Variants in ATG10 observed in about 807,000 individuals in gnomAD.
ATG10 encodes the protein ubiquitin-like-conjugating enzyme ATG10.
In ATG10, 30 loss-of-function variants were observed where a neutral mutation model predicts 32.1. The ratio of observed to expected loss-of-function variants is 0.94; its 90% CI spans 0.70 to 1.27. The LOEUF (loss-of-function observed/expected upper bound fraction) is 1.27. ATG10 is among the 50% of genes most tolerant of loss of function. The pLI is 0.00. For missense variants in ATG10, 233 were observed against 262.3 expected (o/e 0.89, Z 0.77); for synonymous variants, 87 against 91.5 (o/e 0.95, Z 0.28).
chr5:82,057,114 G>T (rs1763628009), intron 2 of ATG10, among the ~76,000 whole-genome samples: 1 of 152,138 alleles, frequency 6.6e-6, no homozygotes, highest in Non-Finnish European at 1.5e-5. Context: ...CTGTGACAGA[G>T]GCATCAACCA....
At chr5:82,095,233 T>G (rs1765015523) in intron 3 of ATG10, among the ~76,000 whole-genome samples, 1 of 152,178 alleles carries the variant, frequency 6.6e-6, no homozygotes. Flanking sequence ...AAGCTGGATC[T>G]GAGTCTGAGC....
chr5:82,117,537 A>G (rs1471885900), intron 3 of ATG10, among the ~76,000 whole-genome samples: 2 of 152,102 alleles, frequency 1.3e-5, no homozygotes, highest in Non-Finnish European at 2.9e-5. Flanking sequence ...GATCCATTTT[A>G]GATGATTGAC....
Position 82,087,298 on chromosome 5 carries a change from A to C in ATG10, c.216+28696A>C, listed in dbSNP as rs80242404. Among the ~76,000 whole-genome samples the C allele has an allele frequency of 3.5e-3, 531 of 152,316 alleles. 3 individuals carry two copies. Among genetic ancestry groups the C allele is most frequent in the African/African-American group, 0.012 (503 of 41,566 alleles). ...TGAAGGATGGGTTATATTTTGAGTG[A>C]TGCAACTTGAGTATATTGAGTAGAA... is the stretch of plus-strand genomic sequence containing the variant. On this transcript the variant is annotated intron_variant, in intron 3 of 7. Coordinates refer to ENST00000282185, the MANE Select transcript of ATG10 (RefSeq NM_031482.5).
At chr5:81,984,989 TTAGA>T (rs1761212290) in intron 1 of ATG10, among the ~76,000 whole-genome samples, 3 of 152,250 alleles carry the variant, frequency 2.0e-5, no homozygotes, top group Admixed American at 2.0e-4. Context: ...AGCCTAGTCC[TTAGA>T]TAATTTTAAA....
chr5:82,091,620 C>T (rs1351649308), intron 3 of ATG10, among the ~76,000 whole-genome samples: 1 of 152,130 alleles, frequency 6.6e-6, no homozygotes, highest in East Asian at 1.9e-4. Context: ...CATAAAATAT[C>T]CTCTTGCAGA....
At chr5:82,181,971 T>TA (rs966212263) in intron 5 of ATG10, among the ~76,000 whole-genome samples, 16 of 152,142 alleles carry the variant, frequency 1.1e-4, no homozygotes, top group African/African-American at 3.4e-4. Context: ...TGTAGCCTAA[T>TA]AAAAAAACTT....
intron 2 of ATG10, among the ~76,000 whole-genome samples, chr5:82,030,957 A>G (rs1163167883): frequency 7.5e-6 from 1 of 134,054 alleles, no homozygotes; most frequent in Non-Finnish European, 1.6e-5. Flanking sequence ...TTAAAAAATT[A>G]AATCTTAAAT....
chr5:82,228,952 T>G (rs890306439), intron 5 of ATG10, among the ~76,000 whole-genome samples: 1 of 152,248 alleles, frequency 6.6e-6, no homozygotes, highest in African/African-American at 2.4e-5. Context: ...AGGTAAATTA[T>G]AGAAGCCTGA....
chr5:82,169,745 AT>A (rs1395871669), intron 4 of ATG10, among the ~76,000 whole-genome samples: 3 of 152,298 alleles, frequency 2.0e-5, no homozygotes, highest in African/African-American at 7.2e-5. Context: ...TTAAAAAGAG[AT>A]TCTAGGGATT....
intron 1 of ATG10, among the ~76,000 whole-genome samples, chr5:81,983,902 A>G (rs1407377365): frequency 6.9e-6 from 1 of 144,610 alleles, no homozygotes; most frequent in Non-Finnish European, 1.5e-5. Context: ...ATCTCAGACT[A>G]TGGGCGGCCG....
chr5:82,226,359 C>G (rs1460059706), intron 5 of ATG10, among the ~76,000 whole-genome samples: 2 of 152,048 alleles, frequency 1.3e-5, no homozygotes, highest in African/African-American at 4.8e-5. Flanking sequence ...CATGAGGGTT[C>G]TTTTTACTTC....
intron 2 of ATG10, among the ~76,000 whole-genome samples, chr5:82,045,362 A>C (rs1763202707): frequency 6.6e-6 from 1 of 152,094 alleles, no homozygotes; most frequent in Non-Finnish European, 1.5e-5. Flanking sequence ...TCATCAGTTT[A>C]AGGTCGCCAG....
chr5:82,093,693 A>G (rs1764962903), intron 3 of ATG10, among the ~76,000 whole-genome samples: 1 of 152,104 alleles, frequency 6.6e-6, no homozygotes, highest in Non-Finnish European at 1.5e-5. Context: ...GATGCCAGAC[A>G]TGGTGTATTT....
intron 5 of ATG10, among the ~76,000 whole-genome samples, chr5:82,207,458 C>G (rs1320526734): frequency 6.6e-6 from 1 of 152,074 alleles, no homozygotes; most frequent in Non-Finnish European, 1.5e-5. Context: ...TGCCTACTGC[C>G]ATTTTTTTCT....
At chr5:82,001,588 C>A (rs539512114) in intron 2 of ATG10, among the ~76,000 whole-genome samples, 111 of 152,212 alleles carry the variant, frequency 7.3e-4, no homozygotes, top group Non-Finnish European at 1.0e-3. Context: ...GGATAACTGG[C>A]CTGCCATATG....
intron 3 of ATG10, among the ~76,000 whole-genome samples, chr5:82,125,518 T>A (rs1156278326): frequency 4.6e-5 from 7 of 152,220 alleles, no homozygotes. Context: ...CAACACCATT[T>A]ATGAAATAGG....
chr5:82,135,434 C>T (rs1327978579), intron 3 of ATG10, among the ~76,000 whole-genome samples: 1 of 152,148 alleles, frequency 6.6e-6, no homozygotes, highest in Non-Finnish European at 1.5e-5. Context: ...TATCTTTGTT[C>T]TCATTGGTTT....
At chr5:82,095,269 G>T (rs1228755569) in intron 3 of ATG10, among the ~76,000 whole-genome samples, 1 of 152,080 alleles carries the variant, frequency 6.6e-6, no homozygotes, top group East Asian at 1.9e-4. Flanking sequence ...TGTAGGTAGG[G>T]TGATCCTAGG....
intron 2 of ATG10, among the ~76,000 whole-genome samples, chr5:82,020,936 A>C (rs1292251187): frequency 6.6e-6 from 1 of 152,186 alleles, no homozygotes; most frequent in Non-Finnish European, 1.5e-5. Flanking sequence ...ACTGGAAAAA[A>C]TAAAACCATT....
Sources: allele counts gnomAD v4.1 joint callset (sites outside exome capture counted in the v4.1 genomes callset), GRCh38; gene constraint gnomAD v4.1.1; transcripts MANE v1.5; gene names NCBI Gene and HGNC (gene_info 2026-07-23, HGNC 2026-07-21).